The following DMRT2 variants were observed in gnomAD, a reference collection of about 807,000 sequenced individuals.
The protein encoded by DMRT2 is doublesex- and mab-3-related transcription factor 2.
DMRT2 carries 33 observed loss-of-function variants against 43.5 expected under a neutral mutation model. That is an observed-to-expected ratio of 0.76 (90% CI 0.58 to 1.01). The LOEUF (loss-of-function observed/expected upper bound fraction) is 1.01. Among genes scored for constraint, DMRT2 ranks in the 50% least tolerant of loss-of-function variants. DMRT2 has a pLI of 0.00. For missense variants in DMRT2, 1,064 were observed against 748.0 expected (o/e 1.42, Z -4.93); for synonymous variants, 395 against 309.2 (o/e 1.28, Z -2.91).
At chr9:1,056,065 C>G (rs893357247) in intron 3 of DMRT2, 151 bp from the exon 4 acceptor site, 9 of 1,452,018 alleles carry the variant, frequency 6.2e-6, no homozygotes, top group Middle Eastern at 2.5e-4. Context: ...CAAACCTAAT[C>G]TGTACTTTTG....
intron 2 of DMRT2, among the ~76,000 whole-genome samples, chr9:1,052,818 T>A (rs1180642467): frequency 6.6e-6 from 1 of 152,180 alleles, no homozygotes; most frequent in East Asian, 1.9e-4. Context: ...GATTTTGTAT[T>A]TGTTTCCATG....
At chr9:1,054,433 T>C (rs1226771942) in intron 3 of DMRT2, among the ~76,000 whole-genome samples, 1 of 151,640 alleles carries the variant, frequency 6.6e-6, no homozygotes, top group African/African-American at 2.4e-5. Context: ...TTGGATTACT[T>C]GGATAATTCC....
chr9:1,053,851 CT>C, intron 3 of DMRT2, 27 bp downstream of exon 3: 1 of 1,583,288 alleles, frequency 6.3e-7, no homozygotes, highest in East Asian at 2.2e-5. Context: ...ATCCTTCAGC[CT>C]TTTAAACAGA....
Position 1,051,949 on chromosome 9 carries a change from GGAGCCGCGCAAGCT to G in DMRT2, c.344_357del (p.Arg115HisfsTer67), listed in dbSNP as rs1821623905. 2.9e-6 allele frequency: 4 copies of G among 1,375,728 alleles called. No individual in the cohort carries two copies. The highest frequency in any genetic ancestry group is 3.7e-6 in the Non-Finnish European group (4 of 1,072,504). 85.2% of individuals were successfully genotyped at this position (1,375,728 alleles called of 1,614,324 possible). ...GCTGCACTCCCGCGGGCGGCGGCGC[GGAGCCGCGCAAGCT>G]GAGCCGCACGCCCAAGTGCGCGCGC... On this transcript the variant is annotated frameshift_variant, in exon 2 of 4. Transcript: ENST00000358146. LOFTEE classifies it high-confidence loss of function. This position sits in a 1 kb window ranked among gnomAD's most constrained non-coding sequence, Gnocchi z 5.9.
chr9:1,051,903 C>T lies in DMRT2; in HGVS notation c.290C>T (p.Ala97Val). The T allele has an allele frequency of 7.3e-7, 1 of 1,362,506 alleles. No homozygotes were observed. The highest frequency in any genetic ancestry group is 9.4e-7 in the Non-Finnish European group (1 of 1,068,186). 84.4% of individuals were successfully genotyped at this position (1,362,506 alleles called of 1,614,324 possible). ...CCGCTCGCGCCTCAGGCCTCACCCG[C>T]CGGCACCGGTCCCCGAGAGCGCTGC... ...RPPLAPQASP[A>V]GTGPRERCTP... is the part of the protein sequence containing the mutation. The change falls in exon 2 of 4, where the codon GCC becomes GTC. Residue 97 changes from alanine to valine, a missense_variant. Coordinates refer to ENST00000358146, the MANE Select transcript of DMRT2 (RefSeq NM_181872.6). The surrounding 1 kb of genome is among the most constrained non-coding windows in gnomAD (Gnocchi z 5.9).
Position 1,051,885 on chromosome 9 carries a change from C to G in DMRT2, c.272C>G (p.Ala91Gly). The G allele has an allele frequency of 7.3e-7, 1 of 1,367,470 alleles. No individual in the cohort carries two copies. Among genetic ancestry groups the G allele is most frequent in the Non-Finnish European group, 9.3e-7 (1 of 1,070,810 alleles). The allele number at this position is 1,367,470 out of a possible 1,614,324, so 84.7% of individuals were successfully genotyped here. A position where few individuals can be genotyped will look rare whatever the true frequency, so the allele number is the denominator to read the frequency against. The change falls in exon 2 of 4, where the codon GCG becomes GGG. Residue 91 changes from alanine (A) to glycine (G), a missense_variant. Coordinates refer to ENST00000358146, the MANE Select transcript of DMRT2 (RefSeq NM_181872.6). The surrounding 1 kb of genome is among the most constrained non-coding windows in gnomAD (Gnocchi z 5.9). ...RGGPQPRPPLAPQASPAGTGP... is the reference protein window; with the variant it reads ...RGGPQPRPPLGPQASPAGTGP... ...GGACCGCAGCCGAGGCCGCCGCTCG[C>G]GCCTCAGGCCTCACCCGCCGGCACC...
Position 1,056,517 on chromosome 9 carries a change from C to T in DMRT2, c.930C>T (p.Thr310=), listed in dbSNP as rs16928356. The T allele has an allele frequency of 3.7e-4, 594 of 1,614,146 alleles. 4 individuals carry two copies. In the African/African-American group the frequency reaches 7.4e-3, roughly 20 times the overall value. The part of the protein sequence containing the change: ...CNFLPTCLDL[T]MQYSGSGNME... ...TTTTGCCCACCTGCCTTGATTTAACCATGCAGTATTCAGGGTCTGGGAATA... is the reference window on the plus strand; with the variant it reads ...TTTTGCCCACCTGCCTTGATTTAACTATGCAGTATTCAGGGTCTGGGAATA... Residue 310 remains threonine, a synonymous_variant, in exon 4 of 4, where the codon ACC becomes ACT. Coordinates refer to ENST00000358146, the MANE Select transcript of DMRT2 (RefSeq NM_181872.6).
chr9:1,055,467 A>G (rs1821909875), intron 3 of DMRT2, among the ~76,000 whole-genome samples: 1 of 152,322 alleles, frequency 6.6e-6, no homozygotes, highest in Middle Eastern at 3.4e-3. Flanking sequence ...GAGCTTGGGA[A>G]GAATGTTTCA....
intron 2 of DMRT2, 58 bp downstream of exon 2, chr9:1,052,196 G>A: frequency 1.6e-6 from 2 of 1,288,276 alleles, no homozygotes; most frequent in South Asian, 2.2e-5. Context: ...GGAGTTGGAG[G>A]GGAGCGGGGC....
At chr9:1,050,975 T>C (rs1487870744) in intron 1 of DMRT2, among the ~76,000 whole-genome samples, 200 bp downstream of exon 1, 1 of 152,200 alleles carries the variant, frequency 6.6e-6, no homozygotes. Context: ...TTTGCCCTTA[T>C]GGGACGCTAA....
chr9:1,055,217 A>C (rs889106975), intron 3 of DMRT2, among the ~76,000 whole-genome samples: 1 of 152,228 alleles, frequency 6.6e-6, no homozygotes, highest in Non-Finnish European at 1.5e-5. Context: ...TTTTATTTGC[A>C]AATGAGTATA....
At position 1,057,230 on chromosome 9, in the gene DMRT2, T is replaced by C; in HGVS notation, c.1643T>C (p.Ile548Thr). The C allele has an allele frequency of 1.2e-6, 2 of 1,613,650 alleles. No homozygotes were observed. Among genetic ancestry groups the C allele is most frequent in the Non-Finnish European group, 1.7e-6 (2 of 1,179,828 alleles). ...CCACTGTCATTTTCTGTTGAGTCTA[T>C]TCTTAAGAGGCCTTCATCTGCCATC... ...NEPLSFSVES[I>T]LKRPSSAITR... is the part of the protein sequence containing the mutation. Residue 548 changes from isoleucine to threonine, a missense_variant, in exon 4 of 4, where the codon ATT becomes ACT. By Grantham distance (89) the Ile-to-Thr change is moderately conservative. Coordinates refer to ENST00000358146, the MANE Select transcript of DMRT2 (RefSeq NM_181872.6).
chr9:1,055,752 T>G, intron 3 of DMRT2: 1 of 1,504,672 alleles, frequency 6.6e-7, no homozygotes. Flanking sequence ...AGCTATTATG[T>G]GTACATAATG....
Position 1,056,679 on chromosome 9 carries a change from C to T in DMRT2, c.1092C>T (p.Thr364=), listed in dbSNP as rs1263673490. The change falls in exon 4 of 4, where the codon ACC becomes ACT. Residue 364 remains threonine, a synonymous_variant. Transcript: ENST00000358146. ...LLYQQCLLNA[T]TSVQALKPGA... is the part of the protein sequence containing the mutation. ...ACCAGCAATGCCTGCTAAATGCCAC[C>T]ACCTCAGTTCAAGCCCTGAAGCCTG... 2 of 1,614,214 alleles carry T rather than the reference C, an allele frequency of 1.2e-6. No individual in the cohort carries two copies. Among genetic ancestry groups the T allele is most frequent in the Non-Finnish European group, 1.7e-6 (2 of 1,180,044 alleles).
At position 1,057,487 on chromosome 9, in the gene DMRT2, A is replaced by C. The variant is rs1456618626; in HGVS notation, c.*214A>C. On this transcript the variant is annotated 3_prime_UTR_variant, in exon 4 of 4. Transcript: ENST00000358146. The stretch of plus-strand genomic sequence containing the variant: ...GAAATTGCCCAATGTGCAAATTGTT[A>C]AGTACCACACTTTACACAGCATTTC... 1.8e-6 allele frequency: 1 copy of C among 558,148 alleles called. No homozygotes were observed. Among genetic ancestry groups the C allele is most frequent in the Non-Finnish European group, 3.1e-6 (1 of 323,746 alleles). The allele number at this position is 558,148 out of a possible 1,614,324, so 34.6% of individuals were successfully genotyped here.
Position 1,057,090 on chromosome 9 carries a change from G to A in DMRT2, c.1503G>A (p.Lys501=), listed in dbSNP as rs767378535. ...AAGAGGCCTTTGAAGAGACCCCTAA[G>A]AAACACAGAGAGTGTTTAGTTAAGG... ...FVKEAFEETP[K]KHRECLVKDN... is the part of the protein sequence containing the mutation. The change falls in exon 4 of 4, where the codon AAG becomes AAA. Residue 501 remains lysine (K), a synonymous_variant. Coordinates refer to ENST00000358146, the MANE Select transcript of DMRT2 (RefSeq NM_181872.6). 9 of 1,614,016 alleles carry A rather than the reference G, an allele frequency of 5.6e-6. No individual in the cohort carries two copies. The highest frequency in any genetic ancestry group is 1.7e-5 in the Admixed American group (1 of 59,988).
At chr9:1,055,144 C>T (rs917538910) in intron 3 of DMRT2, among the ~76,000 whole-genome samples, 8 of 152,152 alleles carry the variant, frequency 5.3e-5, no homozygotes, top group African/African-American at 1.9e-4. Context: ...ATAGTAAATT[C>T]AACTAAATAA....
intron 3 of DMRT2, chr9:1,054,531 G>C (rs189965018): frequency 6.6e-6 from 1 of 152,188 alleles, no homozygotes; most frequent in East Asian, 1.9e-4. Context: ...GCGAAGTGGA[G>C]GTTGAATGCG....
rs1421333157 is a variant in DMRT2 at position 1,051,298 on chromosome 9, A to G, written c.-44-272A>G. ...GAGTTACCCAGGGACTTGTCCGGAA[A>G]GCCCGTGTAAAGCCAGAGAGGGCCA... On this transcript the variant is annotated intron_variant, in intron 1 of 3. Coordinates refer to ENST00000358146, the MANE Select transcript of DMRT2 (RefSeq NM_181872.6). The surrounding 1 kb of genome is among the most constrained non-coding windows in gnomAD (Gnocchi z 5.9). Among the ~76,000 whole-genome samples, 1 of 152,234 alleles carries G rather than the reference A, an allele frequency of 6.6e-6. No homozygotes were observed. The highest frequency in any genetic ancestry group is 1.5e-5 in the Non-Finnish European group (1 of 68,038).
Sources: gnomAD v4.1 joint callset for allele counts (sites outside exome capture counted in the v4.1 genomes callset) on GRCh38, gnomAD v4.1.1 for gene constraint, Gnocchi (gnomAD v3.1) non-coding constraint, MANE v1.5 for transcripts, NCBI Gene and HGNC (gene_info 2026-07-23, HGNC 2026-07-21) for gene names.